EML1: variants seen among roughly 807,000 people sequenced by gnomAD.
The protein encoded by EML1 is echinoderm microtubule-associated protein-like 1.
EML1 carries 27 observed loss-of-function variants against 110.4 expected under a neutral mutation model. The observed-to-expected ratio is 0.24, with a 90% CI of 0.18 to 0.34. The LOEUF (loss-of-function observed/expected upper bound fraction) is 0.34, where lower values mean the gene tolerates loss of function less well. EML1 is among the 10% of genes least tolerant of loss of function. EML1 has a pLI of 1.00. For missense variants in EML1, 741 were observed against 1,030.9 expected, an observed-to-expected ratio of 0.72 and a Z score of 3.85; for synonymous variants, 344 against 385.8, an observed-to-expected ratio of 0.89 and a Z score of 1.27.
chr14:99,892,097 A>AGGCC, intron 5 of EML1: 1 of 978,930 alleles, frequency 1.0e-6, no homozygotes, highest in Non-Finnish European at 1.2e-6. Context: ...CGGGGCAGGC[A>AGGCC]GGCCAGCCAC....
chr14:99,790,278 A>G (rs1176382303), upstream of EML1, among the ~76,000 whole-genome samples: 2 of 152,196 alleles, frequency 1.3e-5, no homozygotes, highest in South Asian at 2.1e-4. Flanking sequence ...GCCACCAAAT[A>G]TCATAACATT....
At chr14:99,822,515 T>G (rs2139749364) in intron 1 of EML1, among the ~76,000 whole-genome samples, 1 of 152,322 alleles carries the variant, frequency 6.6e-6, no homozygotes, top group Admixed American at 6.5e-5. Flanking sequence ...AGCTGGAGGA[T>G]GAGGGCAGGG....
intron 17 of EML1, among the ~76,000 whole-genome samples, chr14:99,934,067 C>G (rs985586286): frequency 5.9e-5 from 9 of 152,188 alleles, no homozygotes; most frequent in Non-Finnish European, 1.3e-4. Context: ...TACACTCCAG[C>G]CTGATCAACA....
chr14:99,763,007 T>A (rs1406644379), intron 1 of EML1, among the ~76,000 whole-genome samples: 1 of 152,148 alleles, frequency 6.6e-6, no homozygotes, highest in African/African-American at 2.4e-5. Context: ...TGGGAGGGAC[T>A]CAGTGGGAGG....
intron 4 of EML1, among the ~76,000 whole-genome samples, chr14:99,888,102 C>T (rs1028663717): frequency 3.9e-5 from 6 of 152,030 alleles, no homozygotes; most frequent in African/African-American, 1.5e-4. Context: ...TACAGCATAC[C>T]ACAAAGTGAT....
At chr14:99,882,472 G>A (rs2059401414) in intron 4 of EML1, among the ~76,000 whole-genome samples, 1 of 152,136 alleles carries the variant, frequency 6.6e-6, no homozygotes, top group South Asian at 2.1e-4. Flanking sequence ...GTTGAAATGA[G>A]TTGATTTTGT....
intron 17 of EML1, among the ~76,000 whole-genome samples, chr14:99,924,745 G>T (rs1288740198): frequency 6.6e-6 from 1 of 152,178 alleles, no homozygotes; most frequent in East Asian, 1.9e-4. Flanking sequence ...TTATCATAGT[G>T]AGAAAGTTCC....
chr14:99,904,808 T>C (rs2059817359), intron 9 of EML1, among the ~76,000 whole-genome samples: 1 of 152,188 alleles, frequency 6.6e-6, no homozygotes, highest in Non-Finnish European at 1.5e-5. Context: ...ACAAAATTTA[T>C]AACTGACCAG....
At chr14:99,834,993 T>TG (rs768592786) in intron 1 of EML1, among the ~76,000 whole-genome samples, 244 of 79,876 alleles carry the variant, frequency 3.1e-3, no homozygotes, top group Non-Finnish European at 5.2e-3. Context: ...CTAATTTTTG[T>TG]ATTTTTTTTG....
chr14:99,810,337 A>G (rs1003811304), intron 1 of EML1, among the ~76,000 whole-genome samples: 13 of 152,220 alleles, frequency 8.5e-5, no homozygotes, highest in Non-Finnish European at 1.9e-4. Flanking sequence ...TGTATCTGCC[A>G]TAAGAAGACC....
At chr14:99,880,117 A>G (rs139595338) in intron 4 of EML1, among the ~76,000 whole-genome samples, 2 of 152,310 alleles carry the variant, frequency 1.3e-5, no homozygotes, top group African/African-American at 2.4e-5. Flanking sequence ...CATGTTCCCA[A>G]ACTAATTCAG....
At chr14:99,825,871 G>A (rs112739956) in intron 1 of EML1, among the ~76,000 whole-genome samples, 3,728 of 152,162 alleles carry the variant, frequency 0.025, 141 homozygotes, top group African/African-American at 0.085. Context: ...TCATGTAAAC[G>A]AACTCATTTT....
At chr14:99,830,138 G>A (rs752820427) in intron 1 of EML1, among the ~76,000 whole-genome samples, 6 of 152,046 alleles carry the variant, frequency 3.9e-5, no homozygotes, top group South Asian at 4.1e-4. Context: ...TAATTTCTTC[G>A]CATTCTTGCC....
At position 99,936,626 on chromosome 14, in the gene EML1, AAGG is replaced by A. The variant is rs1232921756; in HGVS notation, c.2095+293_2095+295del. On this transcript the variant is annotated intron_variant, in intron 19 of 21. Coordinates refer to ENST00000262233, the MANE Select transcript of EML1 (RefSeq NM_004434.3). This position sits in a 1 kb window ranked among gnomAD's most constrained non-coding sequence, Gnocchi z 5.5. ...GGCTTGGGGCAGGCGGATGTGGCAG[AAGG>A]GGGCGGGTCCGGGTGGATGTGGCCG... 1.3e-5 allele frequency among the ~76,000 whole-genome samples: 2 copies of A among 152,074 alleles called. No homozygotes were observed. The highest frequency in any genetic ancestry group is 4.8e-5 in the African/African-American group (2 of 41,436).
At chr14:99,935,938 C>G in intron 17 of EML1, 91 bp from the exon 18 acceptor site, 8 of 1,224,486 alleles carry the variant, frequency 6.5e-6, no homozygotes, top group Non-Finnish European at 9.5e-6. Flanking sequence ...GTGATTTTGT[C>G]TAAATCTGTG....
intron 1 of EML1, among the ~76,000 whole-genome samples, chr14:99,848,972 A>T (rs532921146): frequency 3.7e-3 from 564 of 152,228 alleles, no homozygotes; most frequent in Non-Finnish European, 4.6e-3. Context: ...AAAAAAAAAA[A>T]AATAATAAAA....
chr14:99,821,252 C>T (rs931197506), intron 1 of EML1, among the ~76,000 whole-genome samples: 2 of 152,180 alleles, frequency 1.3e-5, no homozygotes, highest in African/African-American at 4.8e-5. Flanking sequence ...CTTAGTCCTC[C>T]TGCCTCAACA....
intron 1 of EML1, among the ~76,000 whole-genome samples, chr14:99,751,828 G>A (rs192939838): frequency 1.3e-5 from 2 of 152,252 alleles, no homozygotes; most frequent in Admixed American, 6.5e-5. Flanking sequence ...GAGGGGTTGG[G>A]AAGACCCACA....
intron 17 of EML1, among the ~76,000 whole-genome samples, chr14:99,932,718 A>G (rs938415827): frequency 6.6e-6 from 1 of 151,888 alleles, no homozygotes; most frequent in African/African-American, 2.4e-5. Context: ...CGAACCATGC[A>G]CTTGAAATGT....
Sources: allele counts gnomAD v4.1 joint callset (sites outside exome capture counted in the v4.1 genomes callset), GRCh38; gene constraint gnomAD v4.1.1; non-coding constraint Gnocchi (gnomAD v3.1); transcripts MANE v1.5; gene names NCBI Gene and HGNC (gene_info 2026-07-23, HGNC 2026-07-21).